The following DCT variants were observed in gnomAD, a reference collection of about 807,000 sequenced individuals.
The protein encoded by DCT is dopachrome tautomerase.
In DCT, 47 loss-of-function variants were observed where a neutral mutation model predicts 53.0. The observed-to-expected ratio is 0.89, with a 90% CI of 0.70 to 1.13. The LOEUF (loss-of-function observed/expected upper bound fraction) is 1.13, where lower values mean the gene tolerates loss of function less well. Among genes scored for constraint, DCT ranks in the 50% most tolerant of loss-of-function variants. DCT has a pLI of 0.00. For missense variants in DCT, 669 were observed against 637.4 expected, an observed-to-expected ratio of 1.05 and a Z score of -0.53; for synonymous variants, 244 against 237.0, an observed-to-expected ratio of 1.03 and a Z score of -0.27.
the DCT span, among the ~76,000 whole-genome samples, chr13:94,488,863 TACAC>T: frequency 1.3e-5 from 1 of 74,188 alleles, no homozygotes; most frequent in Admixed American, 1.3e-4. Flanking sequence ...TACACATACA[TACAC>T]ACACATACAC....
At chr13:94,518,964 C>T in the DCT span, among the ~76,000 whole-genome samples, 1 of 152,112 alleles carries the variant, frequency 6.6e-6, no homozygotes, top group Non-Finnish European at 1.5e-5. Context: ...TTCTTTCCAG[C>T]CCCAAGACCT....
At chr13:94,540,746 CA>C in the DCT span, among the ~76,000 whole-genome samples, 18 of 151,504 alleles carry the variant, frequency 1.2e-4, no homozygotes, top group Non-Finnish European at 1.8e-4. Flanking sequence ...GAAGGGTCCT[CA>C]AAAAACAAAA....
the DCT span, among the ~76,000 whole-genome samples, chr13:94,534,165 A>G: frequency 1.3e-5 from 2 of 151,342 alleles, no homozygotes; most frequent in Non-Finnish European, 2.9e-5. Flanking sequence ...ATAAAAATGT[A>G]TATAATAAAT....
chr13:94,534,408 T>C, the DCT span, among the ~76,000 whole-genome samples: 1 of 152,264 alleles, frequency 6.6e-6, no homozygotes, highest in African/African-American at 2.4e-5. Flanking sequence ...CTTCATTGTA[T>C]TAAGTTTTGC....
intron 6 of DCT, among the ~76,000 whole-genome samples, chr13:94,449,984 T>C (rs550871478): frequency 3.6e-4 from 55 of 152,268 alleles, no homozygotes; most frequent in Admixed American, 2.5e-3. Flanking sequence ...AACAAATTCA[T>C]ATTTTGAAAT....
At chr13:94,503,205 C>T in the DCT span, among the ~76,000 whole-genome samples, 1 of 151,930 alleles carries the variant, frequency 6.6e-6, no homozygotes, top group East Asian at 1.9e-4. Flanking sequence ...TAGCAAAAAC[C>T]CCATCTCTAC....
At chr13:94,451,094 C>A (rs906670971) in intron 6 of DCT, among the ~76,000 whole-genome samples, 2 of 152,104 alleles carry the variant, frequency 1.3e-5, no homozygotes, top group African/African-American at 4.8e-5. Context: ...CACTGCCACC[C>A]TGGGGAACCA....
At chr13:94,539,469 T>C in the DCT span, among the ~76,000 whole-genome samples, 9 of 151,652 alleles carry the variant, frequency 5.9e-5, no homozygotes, top group East Asian at 1.5e-3. Flanking sequence ...ATGTTTCTTC[T>C]GTGTTACTGT....
chr13:94,516,197 C>A, the DCT span, among the ~76,000 whole-genome samples: 2 of 151,894 alleles, frequency 1.3e-5, no homozygotes, highest in Non-Finnish European at 2.9e-5. Flanking sequence ...GTGTGCCTGG[C>A]AGATATTGTA....
the DCT span, among the ~76,000 whole-genome samples, chr13:94,504,650 T>C: frequency 6.6e-6 from 1 of 152,238 alleles, no homozygotes; most frequent in East Asian, 1.9e-4. Flanking sequence ...ATTACAGGGG[T>C]GAGCCACTGC....
the DCT span, among the ~76,000 whole-genome samples, chr13:94,485,775 T>C: frequency 6.6e-6 from 1 of 152,182 alleles, no homozygotes; most frequent in African/African-American, 2.4e-5. Context: ...AAGTATTGAT[T>C]ATTTAGCCAA....
At chr13:94,449,741 G>A (rs1882961260) in intron 6 of DCT, among the ~76,000 whole-genome samples, 1 of 152,156 alleles carries the variant, frequency 6.6e-6, no homozygotes, top group Non-Finnish European at 1.5e-5. Context: ...CTATTTTAGG[G>A]AAATATCTTG....
chr13:94,530,346 T>A, the DCT span, among the ~76,000 whole-genome samples: 1 of 152,144 alleles, frequency 6.6e-6, no homozygotes, highest in African/African-American at 2.4e-5. Context: ...ATAAAGAGAA[T>A]TTTCAGCCAA....
At chr13:94,518,509 C>T in the DCT span, among the ~76,000 whole-genome samples, 3 of 152,204 alleles carry the variant, frequency 2.0e-5, no homozygotes, top group Admixed American at 2.0e-4. Flanking sequence ...GAATCCTTGA[C>T]GTTTTTCTTC....
chr13:94,456,726 G>GGAA (rs750355724), intron 6 of DCT, among the ~76,000 whole-genome samples: 3 of 152,194 alleles, frequency 2.0e-5, no homozygotes, highest in African/African-American at 4.8e-5. Context: ...TTGCAGAGTG[G>GGAA]GAAGCAGAAG....
the DCT span, among the ~76,000 whole-genome samples, chr13:94,496,552 G>C: frequency 6.6e-6 from 1 of 152,100 alleles, no homozygotes; most frequent in Non-Finnish European, 1.5e-5. Context: ...ACTCACAGTG[G>C]CATGTACAGA....
At chr13:94,535,187 A>G in the DCT span, among the ~76,000 whole-genome samples, 1 of 152,222 alleles carries the variant, frequency 6.6e-6, no homozygotes, top group Non-Finnish European at 1.5e-5. Context: ...TAGAACATAT[A>G]CTATATACCT....
chr13:94,499,892 G>A, the DCT span, among the ~76,000 whole-genome samples: 1 of 151,990 alleles, frequency 6.6e-6, no homozygotes, highest in African/African-American at 2.4e-5. Flanking sequence ...GGTTATAACT[G>A]ACAAACAAAT....
chr13:94,506,628 G>T, the DCT span, among the ~76,000 whole-genome samples: 2 of 152,102 alleles, frequency 1.3e-5, no homozygotes, highest in Non-Finnish European at 2.9e-5. Flanking sequence ...GTAACTATTA[G>T]ACAAATTCCA....
Sources: gnomAD v4.1 joint callset for allele counts (sites outside exome capture counted in the v4.1 genomes callset) on GRCh38, gnomAD v4.1.1 for gene constraint, MANE v1.5 for transcripts, NCBI Gene and HGNC (gene_info 2026-07-23, HGNC 2026-07-21) for gene names.